The following NOL8 variants were observed in gnomAD, a reference collection of about 807,000 sequenced individuals.
NOL8 encodes the protein nucleolar protein Nop132.
Under a neutral mutation model 116.1 loss-of-function variants are expected in NOL8, and 93 were observed. The ratio of observed to expected loss-of-function variants is 0.80; its 90% CI spans 0.68 to 0.95. NOL8 has a LOEUF of 0.95. NOL8 is among the 40% of genes least tolerant of loss of function. The probability of loss-of-function intolerance (pLI) is 0.00; values close to 1 mark genes in which losing one functional copy is unlikely to be tolerated. For missense variants in NOL8, 1,291 were observed against 1,382.8 expected, an observed-to-expected ratio of 0.93 and a Z score of 1.05; for synonymous variants, 419 against 469.0, an observed-to-expected ratio of 0.89 and a Z score of 1.38.
rs1043569647 is a variant in NOL8, at chr9:92,316,252, T to C, written c.487-114A>G. On this transcript the variant is annotated intron_variant, in intron 6 of 16. Transcript: ENST00000442668. Reference sequence around the variant, plus strand: ...TAAGTCATTTCCCCCCCCTTTCAGTTTCCTGTAAAAGAAAATGAGGACTTA... The same window carrying C: ...TAAGTCATTTCCCCCCCCTTTCAGTCTCCTGTAAAAGAAAATGAGGACTTA... The C allele has an allele frequency of 4.2e-6, 5 of 1,180,386 alleles. No individual in the cohort carries two copies. In the African/African-American group the frequency reaches 7.7e-5, roughly 18 times the overall value. The allele number at this position is 1,180,386 out of a possible 1,614,324, so 73.1% of individuals were successfully genotyped here. A position where few individuals can be genotyped will look rare whatever the true frequency, so the allele number is the denominator to read the frequency against.
In NOL8 at chr9:92,319,750, T is replaced by A. The variant is rs536594194; in HGVS notation, c.282-394A>T. Among the ~76,000 whole-genome samples the A allele has an allele frequency of 2.6e-5, 4 of 152,364 alleles. No homozygotes were observed. In the East Asian group the frequency reaches 5.8e-4, roughly 22 times the overall value. On this transcript the variant is annotated intron_variant, in intron 4 of 16. Coordinates refer to ENST00000442668, the MANE Select transcript of NOL8 (RefSeq NM_017948.6). The stretch of plus-strand genomic sequence containing the variant: ...TTTGAAAACATCACTATGATTGCTG[T>A]ACAACATGCCTTTCCATCAATCTAC...
At chr9:92,300,392 C>G (rs1247877530) in intron 13 of NOL8, 5 of 988,958 alleles carry the variant, frequency 5.1e-6, no homozygotes, top group South Asian at 9.2e-5. Context: ...TCAGGTTTCC[C>G]TCTTGTCTAT....
At chr9:92,323,417 A>G in intron 3 of NOL8, 24 bp downstream of exon 3, 2 of 1,584,012 alleles carry the variant, frequency 1.3e-6, no homozygotes, top group Non-Finnish European at 1.7e-6. Context: ...GGCAAACAGT[A>G]TAGAAAATAT....
At chr9:92,308,184 T>A (rs1838448010) in intron 10 of NOL8, among the ~76,000 whole-genome samples, 1 of 151,696 alleles carries the variant, frequency 6.6e-6, no homozygotes, top group South Asian at 2.1e-4. Context: ...AGGCCAGGAG[T>A]TTGAGACCCG....
intron 1 of NOL8, 128 bp from the exon 2 acceptor site, chr9:92,324,337 A>C (rs1564251379): frequency 1.3e-6 from 1 of 775,000 alleles, no homozygotes; most frequent in East Asian, 2.7e-5. Flanking sequence ...ATTACTTCCA[A>C]ATTTTAGTCT....
chr9:92,298,826 C>T (rs1407618956), intron 15 of NOL8, 58 bp downstream of exon 15: 1 of 984,094 alleles, frequency 1.0e-6, no homozygotes, highest in Non-Finnish European at 1.5e-6. Context: ...ATGTGAATTA[C>T]TGTAGCTGTA....
intron 7 of NOL8, among the ~76,000 whole-genome samples, chr9:92,312,747 A>C (rs1199525730): frequency 6.7e-6 from 1 of 150,248 alleles, no homozygotes; most frequent in Non-Finnish European, 1.5e-5. Flanking sequence ...GAATTGCTTG[A>C]ACCCAGGAGG....
chr9:92,310,523 C>T (rs769867999), intron 9 of NOL8, 30 bp downstream of exon 9: 1 of 1,574,304 alleles, frequency 6.4e-7, no homozygotes, highest in Non-Finnish European at 8.6e-7. Flanking sequence ...GGACATGCTG[C>T]AAGTCTAATT....
At position 92,306,898 on chromosome 9, in the gene NOL8, G is replaced by A; in HGVS notation, c.2813C>T (p.Ala938Val). The A allele has an allele frequency of 6.2e-7, 1 of 1,612,306 alleles. No individual in the cohort carries two copies. The highest frequency in any genetic ancestry group is 8.5e-7 in the Non-Finnish European group (1 of 1,179,070). The change falls in exon 11 of 17, where the codon GCT (alanine) becomes GTT (valine). Residue 938 changes from alanine to valine, a missense_variant. Ala to Val is a moderately conservative substitution (Grantham distance 64, BLOSUM62 0). Transcript: ENST00000442668. ...SNSTNRGSVAAKKFKDIIHYD... is the reference protein window; with the variant it reads ...SNSTNRGSVAVKKFKDIIHYD... ...ACATAAAACATACTTAAATTTCTTA[G>A]CAGCTACTGATCCTCTGTTTGTAGA... is the stretch of plus-strand genomic sequence containing the variant.
At chr9:92,305,421 T>C (rs750485341) in intron 12 of NOL8, among the ~76,000 whole-genome samples, 1 of 152,196 alleles carries the variant, frequency 6.6e-6, no homozygotes, top group Non-Finnish European at 1.5e-5. Context: ...GTTCCAGAAC[T>C]GTAAAGAAAT....
intron 8 of NOL8, 178 bp from the exon 9 acceptor site, chr9:92,310,853 C>G: frequency 1.5e-6 from 1 of 648,046 alleles, no homozygotes; most frequent in East Asian, 2.8e-5. Context: ...CCTCTGGGAT[C>G]ACTAATCCAG....
chr9:92,320,859 G>C (rs192421243), intron 4 of NOL8, among the ~76,000 whole-genome samples: 5 of 152,072 alleles, frequency 3.3e-5, no homozygotes, highest in Non-Finnish European at 7.4e-5. Flanking sequence ...CACCCGCCTC[G>C]GCCTCCCAAA....
chr9:92,300,725 C>A, intron 13 of NOL8: 1 of 1,163,146 alleles, frequency 8.6e-7, no homozygotes, highest in South Asian at 1.7e-5. Flanking sequence ...GTTATACTTC[C>A]TTTTAAAGTA....
intron 12 of NOL8, among the ~76,000 whole-genome samples, chr9:92,304,352 C>T (rs544500940): frequency 8.5e-4 from 129 of 152,164 alleles, no homozygotes; most frequent in Non-Finnish European, 1.6e-3. Flanking sequence ...TTCCACCGCT[C>T]TATATTGGAG....
chr9:92,302,649 A>G (rs1217007903), intron 12 of NOL8, among the ~76,000 whole-genome samples: 1 of 152,198 alleles, frequency 6.6e-6, no homozygotes, highest in African/African-American at 2.4e-5. Context: ...TTTAACCACC[A>G]TGTGGTGGCT....
At chr9:92,306,781 G>A (rs966937693) in intron 11 of NOL8, 105 bp downstream of exon 11, 30 of 1,037,474 alleles carry the variant, frequency 2.9e-5, no homozygotes, top group Non-Finnish European at 4.0e-5. Context: ...CATATTGCCA[G>A]CTGCCTCCCC....
At chr9:92,300,132 A>G in intron 13 of NOL8, 116 bp from the exon 14 acceptor site, 1 of 1,411,836 alleles carries the variant, frequency 7.1e-7, no homozygotes, top group Non-Finnish European at 9.3e-7. Flanking sequence ...CCAATATGTT[A>G]ATCATTAATT....
intron 11 of NOL8, 65 bp from the exon 12 acceptor site, chr9:92,305,895 A>G (rs1199803511): frequency 1.8e-6 from 2 of 1,082,396 alleles, no homozygotes; most frequent in Non-Finnish European, 2.8e-6. Flanking sequence ...AAAAGTAAGT[A>G]GCAAATTATA....
rs779308890 is a variant in NOL8, at chr9:92,324,148, C to T, written c.14G>A (p.Arg5Lys). 2 of 1,613,680 alleles carry T rather than the reference C, an allele frequency of 1.2e-6. No individual in the cohort carries two copies. Among genetic ancestry groups the T allele is most frequent in the South Asian group, 2.2e-5 (2 of 91,056 alleles). The change falls in exon 2 of 17, where the codon AGA (arginine) becomes AAA (lysine). Residue 5 changes from arginine to lysine, a missense_variant. Transcript: ENST00000442668. ...ACCCACATAAAGGCGCTTCGTTTCT[C>T]TGTTCACTTTCATGAAGGCTGGGCA... Reference protein sequence around the residue: MKVNRETKRLYVGGL... With the variant: MKVNKETKRLYVGGL...
Sources: gnomAD v4.1 joint callset for allele counts (sites outside exome capture counted in the v4.1 genomes callset) on GRCh38, gnomAD v4.1.1 for gene constraint, MANE v1.5 for transcripts, NCBI Gene and HGNC (gene_info 2026-07-23, HGNC 2026-07-21) for gene names.